The following MAF variants were observed in gnomAD, a reference collection of about 807,000 sequenced individuals.
The protein encoded by MAF is MAF bZIP transcription factor, also known as transcription factor Maf.
In MAF, 10 loss-of-function variants were observed where a neutral mutation model predicts 22.0. The ratio of observed to expected loss-of-function variants is 0.45; its 90% CI spans 0.28 to 0.77. MAF has a LOEUF of 0.77. MAF is among the 30% of genes least tolerant of loss of function. The pLI is 0.12. For synonymous variants in MAF, 337 were observed against 255.8 expected (o/e 1.32, Z -3.03); for missense variants, 544 against 548.4 (o/e 0.99, Z 0.08).
chr16:79,364,423 G>A, the MAF span, among the ~76,000 whole-genome samples: 1 of 152,180 alleles, frequency 6.6e-6, no homozygotes, highest in Non-Finnish European at 1.5e-5. Flanking sequence ...ACACACAGAA[G>A]ATGCTCCAGC....
At chr16:79,466,304 G>C in the MAF span, among the ~76,000 whole-genome samples, 1 of 152,194 alleles carries the variant, frequency 6.6e-6, no homozygotes, top group African/African-American at 2.4e-5. Context: ...TGAAATCTGT[G>C]TGAATGAAGG....
At chr16:79,594,747 T>C (rs1913413712) in intron 1 of MAF, 194 bp from the exon 2 acceptor site, 1 of 1,386,250 alleles carries the variant, frequency 7.2e-7, no homozygotes, top group African/African-American at 1.5e-5. Context: ...CTACTCCCAC[T>C]ATACTTCAAA....
At chr16:79,246,642 A>G in the MAF span, among the ~76,000 whole-genome samples, 3 of 152,140 alleles carry the variant, frequency 2.0e-5, no homozygotes, top group Non-Finnish European at 4.4e-5. Context: ...AGAGAATCAA[A>G]TTTCCAACAT....
the MAF span, among the ~76,000 whole-genome samples, chr16:79,228,485 G>C: frequency 7.9e-5 from 12 of 151,948 alleles, no homozygotes; most frequent in African/African-American, 2.9e-4. Context: ...TCAAAGCTTT[G>C]GATAGGAAAG....
chr16:79,333,675 G>C, the MAF span, among the ~76,000 whole-genome samples: 1 of 152,200 alleles, frequency 6.6e-6, no homozygotes, highest in Non-Finnish European at 1.5e-5. Flanking sequence ...TCTAACGCTG[G>C]ATCCCAACAT....
At chr16:79,418,199 G>C in the MAF span, among the ~76,000 whole-genome samples, 2 of 152,176 alleles carry the variant, frequency 1.3e-5, no homozygotes, top group Non-Finnish European at 2.9e-5. Flanking sequence ...CTGGGCTTGA[G>C]AGACCATCTT....
the MAF span, among the ~76,000 whole-genome samples, chr16:79,397,452 TC>T: frequency 6.6e-6 from 1 of 152,254 alleles, no homozygotes; most frequent in African/African-American, 2.4e-5. Flanking sequence ...CATATTTTTT[TC>T]ATTCTAATTA....
the MAF span, among the ~76,000 whole-genome samples, chr16:79,570,018 T>A: frequency 8.6e-5 from 13 of 151,206 alleles, no homozygotes; most frequent in South Asian, 1.3e-3. Context: ...GTTCTTTTTT[T>A]TTTTTTTTTT....
chr16:79,468,856 T>A, the MAF span, among the ~76,000 whole-genome samples: 1 of 152,212 alleles, frequency 6.6e-6, no homozygotes, highest in Non-Finnish European at 1.5e-5. Flanking sequence ...GAAGGCTACA[T>A]GCAGGAGACC....
chr16:79,202,921 A>T, the MAF span: 2 of 152,228 alleles, frequency 1.3e-5, no homozygotes, highest in African/African-American at 4.8e-5. Flanking sequence ...TGCATGATAG[A>T]ATGCAAACTT....
chr16:79,287,528 A>T, the MAF span, among the ~76,000 whole-genome samples: 3 of 152,212 alleles, frequency 2.0e-5, no homozygotes, highest in Non-Finnish European at 2.9e-5. Flanking sequence ...CCAAACCCTG[A>T]GTCCTGCCAT....
chr16:79,385,769 T>G, the MAF span, among the ~76,000 whole-genome samples: 1 of 152,090 alleles, frequency 6.6e-6, no homozygotes, highest in Non-Finnish European at 1.5e-5. Flanking sequence ...GGTGTGGTAG[T>G]ACACGCCTGT....
the MAF span, among the ~76,000 whole-genome samples, chr16:79,439,698 G>C: frequency 0.017 from 2,623 of 152,276 alleles, 33 homozygotes; most frequent in Middle Eastern, 0.041. Flanking sequence ...CACTCAGAAA[G>C]AGGTCCATGT....
At chr16:79,371,665 G>A in the MAF span, among the ~76,000 whole-genome samples, 1 of 152,030 alleles carries the variant, frequency 6.6e-6, no homozygotes, top group Admixed American at 6.6e-5. Context: ...CCTTCCCATG[G>A]TTAGTTCCTC....
At chr16:79,223,914 C>G in the MAF span, among the ~76,000 whole-genome samples, 1 of 152,124 alleles carries the variant, frequency 6.6e-6, no homozygotes, top group Admixed American at 6.5e-5. Context: ...GATTCAAAGC[C>G]AAATTCTACC....
At chr16:79,494,902 A>G in the MAF span, among the ~76,000 whole-genome samples, 4 of 152,174 alleles carry the variant, frequency 2.6e-5, no homozygotes, top group Non-Finnish European at 5.9e-5. Context: ...GGTGCCTCAC[A>G]AAAAGTCAGA....
chr16:79,356,463 G>A, the MAF span, among the ~76,000 whole-genome samples: 1 of 152,094 alleles, frequency 6.6e-6, no homozygotes, highest in Non-Finnish European at 1.5e-5. Flanking sequence ...TATCAAGCAT[G>A]CTTGAGGCTT....
the MAF span, among the ~76,000 whole-genome samples, chr16:79,365,497 G>C: frequency 2.0e-5 from 3 of 152,178 alleles, no homozygotes; most frequent in Non-Finnish European, 4.4e-5. Flanking sequence ...TGACTGATTG[G>C]TGGATGATCT....
At chr16:79,384,217 G>A in the MAF span, among the ~76,000 whole-genome samples, 3 of 152,114 alleles carry the variant, frequency 2.0e-5, no homozygotes, top group Admixed American at 1.3e-4. Flanking sequence ...GCCAAGTCAA[G>A]TGGATCACCT....
Sources: gnomAD v4.1 joint callset for allele counts (sites outside exome capture counted in the v4.1 genomes callset) on GRCh38, gnomAD v4.1.1 for gene constraint, MANE v1.5 for transcripts, NCBI Gene and HGNC (gene_info 2026-07-23, HGNC 2026-07-21) for gene names.